Variants in HMGB1 observed in about 807,000 individuals in gnomAD.
HMGB1 encodes the protein high mobility group protein B1.
For missense variants in HMGB1, 79 were observed against 253.5 expected (o/e 0.31, Z 4.67); for synonymous variants, 81 against 84.0 (o/e 0.96, Z 0.19).
intron 1 of HMGB1, among the ~76,000 whole-genome samples, chr13:30,526,804 C>T (rs1317160465): frequency 6.6e-6 from 1 of 152,252 alleles, no homozygotes; most frequent in East Asian, 1.9e-4. Context: ...ACCACAGAGC[C>T]TTCCTGTGAG....
chr13:30,470,948 C>CTTATTTATTTATTTAT (rs61370575), intron 1 of HMGB1, among the ~76,000 whole-genome samples: 7 of 151,074 alleles, frequency 4.6e-5, no homozygotes, highest in African/African-American at 1.7e-4. Context: ...CATGCCCAGA[C>CTTATTTATTTATTTAT]TTATTTATTT....
chr13:30,480,223 G>A (rs532960879), intron 1 of HMGB1, among the ~76,000 whole-genome samples: 2 of 152,312 alleles, frequency 1.3e-5, no homozygotes, highest in South Asian at 4.1e-4. Flanking sequence ...GCCTTGTGTG[G>A]AATATTTACT....
chr13:30,493,377 A>G (rs1002727284), intron 1 of HMGB1, among the ~76,000 whole-genome samples: 3 of 152,256 alleles, frequency 2.0e-5, no homozygotes, highest in Non-Finnish European at 4.4e-5. Context: ...ATGCAAACTA[A>G]TCGGTAAGTG....
intron 1 of HMGB1, among the ~76,000 whole-genome samples, chr13:30,571,104 G>A (rs1870402426): frequency 6.6e-6 from 1 of 151,994 alleles, no homozygotes; most frequent in African/African-American, 2.4e-5. Flanking sequence ...GTAGCTAGAA[G>A]GTGGAAGAAA....
intron 1 of HMGB1, among the ~76,000 whole-genome samples, chr13:30,532,507 AT>A (rs1262446573): frequency 1.3e-5 from 2 of 151,810 alleles, no homozygotes; most frequent in East Asian, 3.9e-4. Context: ...TCAATCCTTT[AT>A]TTTTTATATA....
chr13:30,544,303 C>A (rs1315328405), intron 1 of HMGB1, among the ~76,000 whole-genome samples: 1 of 152,220 alleles, frequency 6.6e-6, no homozygotes. Context: ...TAGGAACGGC[C>A]AGACCAATAA....
chr13:30,548,563 T>C (rs1317054367), intron 1 of HMGB1, among the ~76,000 whole-genome samples: 1 of 152,254 alleles, frequency 6.6e-6, no homozygotes, highest in African/African-American at 2.4e-5. Context: ...TGTGTGCCTC[T>C]TTCCAAAAGA....
intron 1 of HMGB1, among the ~76,000 whole-genome samples, chr13:30,481,916 G>A (rs1043913004): frequency 5.9e-5 from 9 of 151,840 alleles, no homozygotes; most frequent in African/African-American, 1.7e-4. Flanking sequence ...CACAACCTCC[G>A]CCTCCCAGGT....
intron 1 of HMGB1, among the ~76,000 whole-genome samples, chr13:30,495,479 TC>T (rs1213685709): frequency 4.4e-5 from 6 of 136,774 alleles, no homozygotes; most frequent in Non-Finnish European, 9.5e-5. Context: ...CTTTTTCTTT[TC>T]TTTTTTTTTT....
At chr13:30,590,427 C>T (rs772163560) in intron 1 of HMGB1, among the ~76,000 whole-genome samples, 7 of 152,012 alleles carry the variant, frequency 4.6e-5, no homozygotes, top group South Asian at 2.1e-4. Flanking sequence ...CTCAAACTCC[C>T]GGGCTCAAGT....
intron 1 of HMGB1, among the ~76,000 whole-genome samples, chr13:30,539,174 G>A (rs1250947419): frequency 1.3e-5 from 2 of 152,228 alleles, no homozygotes; most frequent in Non-Finnish European, 2.9e-5. Flanking sequence ...TGGGATTACA[G>A]GCGTAAGCCA....
At chr13:30,530,918 A>G (rs911541906) in intron 1 of HMGB1, among the ~76,000 whole-genome samples, 5 of 152,260 alleles carry the variant, frequency 3.3e-5, no homozygotes, top group East Asian at 1.9e-4. Context: ...GTGGTGGCAC[A>G]TGTTTGTAGT....
chr13:30,615,782 G>A (rs941791527), intron 1 of HMGB1, among the ~76,000 whole-genome samples: 4 of 152,170 alleles, frequency 2.6e-5, no homozygotes, highest in Non-Finnish European at 5.9e-5. Context: ...AGCTGACATC[G>A]TGAGTGGCTA....
At chr13:30,539,458 A>T (rs1013264484) in intron 1 of HMGB1, 3 of 212,350 alleles carry the variant, frequency 1.4e-5, no homozygotes, top group African/African-American at 4.6e-5. Flanking sequence ...TCCTTCACTG[A>T]CTGTCCATAT....
chr13:30,609,170 G>A (rs1421676751), intron 1 of HMGB1, among the ~76,000 whole-genome samples: 2 of 152,350 alleles, frequency 1.3e-5, no homozygotes, highest in African/African-American at 4.8e-5. Context: ...CGCTGAGGCA[G>A]GAGAATGGCG....
intron 1 of HMGB1, chr13:30,553,520 A>T: frequency 2.3e-6 from 1 of 427,262 alleles, no homozygotes; most frequent in Non-Finnish European, 4.3e-6. Context: ...GGGGTATGGT[A>T]ATTAGAAATT....
At chr13:30,603,858 T>C (rs570915341) in intron 1 of HMGB1, among the ~76,000 whole-genome samples, 1 of 152,316 alleles carries the variant, frequency 6.6e-6, no homozygotes, top group South Asian at 2.1e-4. Flanking sequence ...GTTTAGGGAA[T>C]AATGACAAGG....
chr13:30,492,718 C>T (rs767249008), intron 1 of HMGB1, among the ~76,000 whole-genome samples: 1 of 152,064 alleles, frequency 6.6e-6, no homozygotes, highest in East Asian at 1.9e-4. Context: ...TGGCCGGGCA[C>T]GCTGGCTCAT....
chr13:30,461,650 G>C (rs756638888), intron 4 of HMGB1, 117 bp from the exon 5 acceptor site: 6 of 1,589,462 alleles, frequency 3.8e-6, no homozygotes, highest in African/African-American at 1.3e-5. Flanking sequence ...AAAATATCAC[G>C]TATCTGTAGA....
Sources: gnomAD v4.1 joint callset for allele counts (sites outside exome capture counted in the v4.1 genomes callset) on GRCh38, gnomAD v4.1.1 for gene constraint, MANE v1.5 for transcripts, NCBI Gene and HGNC (gene_info 2026-07-23, HGNC 2026-07-21) for gene names.